The following TF variants were observed in gnomAD, a reference collection of about 807,000 sequenced individuals.
TF encodes transferrin.
Under a neutral mutation model 82.4 loss-of-function variants are expected in TF, and 55 were observed. The ratio of observed to expected loss-of-function variants is 0.67; its 90% CI spans 0.54 to 0.84. The LOEUF (loss-of-function observed/expected upper bound fraction) is 0.84, where lower values mean the gene tolerates loss of function less well. Ranked by LOEUF, TF falls within the 40% of genes least tolerant of loss-of-function variation. The pLI is 0.00. For missense variants in TF, 737 were observed against 868.4 expected (o/e 0.85, Z 1.90); for synonymous variants, 332 against 332.6 (o/e 1.00, Z 0.02).
At position 133,790,908 on chromosome 3, in the gene TF, T is replaced by G. The variant is rs937003165; in HGVS notation, c.*12288T>G. The G allele has an allele frequency of 6.6e-6, 1 of 152,178 alleles. No homozygotes were observed. The highest frequency in any genetic ancestry group is 1.5e-5 in the Non-Finnish European group (1 of 68,028). 9.4% of individuals were successfully genotyped at this position (152,178 alleles called of 1,614,324 possible). A position where few individuals can be genotyped will look rare whatever the true frequency, so the allele number is the denominator to read the frequency against. On this transcript the variant is annotated 3_prime_UTR_variant, in exon 17 of 17. Transcript: ENST00000402696. Reference sequence around the variant, plus strand: ...TCATTATGTGGGTTTTGGGGGGCCCTAGGTAAACACTGTAGCCTCCAGGGT... The same window carrying G: ...TCATTATGTGGGTTTTGGGGGGCCCGAGGTAAACACTGTAGCCTCCAGGGT...
upstream of TF, among the ~76,000 whole-genome samples, chr3:133,741,184 G>GT (rs1183852936): frequency 4.9e-4 from 74 of 151,718 alleles, no homozygotes; most frequent in Middle Eastern, 3.4e-3. Context: ...TAGAGAAGGG[G>GT]TTTTGCTATG....
chr3:133,777,387 C>T (rs1459205769), intron 16 of TF, 149 bp downstream of exon 16: 7 of 738,728 alleles, frequency 9.5e-6, no homozygotes, highest in Non-Finnish European at 1.6e-5. Flanking sequence ...CTAAGCCCGG[C>T]ATGTATGACA....
In TF at chr3:133,756,350, C is replaced by T. The variant is rs757604265; in HGVS notation, c.691+13C>T. 24 of 1,613,842 alleles carry T rather than the reference C, an allele frequency of 1.5e-5. 1 individual carries two copies. In the Admixed American group the frequency reaches 4.0e-4, roughly 27 times the overall value. ...TCGACTATATTTGGTAAGAATGGGACAAGAATCCACCAGGGCCACTCCAAG... is the reference window on the plus strand; with the variant it reads ...TCGACTATATTTGGTAAGAATGGGATAAGAATCCACCAGGGCCACTCCAAG... On this transcript the variant is annotated intron_variant, in intron 6 of 16. Coordinates refer to ENST00000402696, the MANE Select transcript of TF (RefSeq NM_001063.4).
intron 2 of TF, 141 bp from the exon 3 acceptor site, chr3:133,753,454 G>C (rs1425040979): frequency 7.0e-6 from 5 of 715,732 alleles, no homozygotes; most frequent in Non-Finnish European, 1.3e-5. Flanking sequence ...GTCAACTGAA[G>C]CCAGCAGGGC....
the TF span, among the ~76,000 whole-genome samples, chr3:133,708,253 T>C: frequency 2.6e-5 from 4 of 152,146 alleles, no homozygotes; most frequent in African/African-American, 9.7e-5. Flanking sequence ...CTATCACTAC[T>C]GAATCAAAGA....
In TF at chr3:133,754,484, T is replaced by C; in HGVS notation, c.326-11T>C. 1 of 1,614,044 alleles carries C rather than the reference T, an allele frequency of 6.2e-7. No individual in the cohort carries two copies. Among genetic ancestry groups the C allele is most frequent in the Non-Finnish European group, 8.5e-7 (1 of 1,179,960 alleles). The stretch of plus-strand genomic sequence containing the variant: ...GGCTGAGGGCCTTCCATTCACACTG[T>C]GCCTTTGCAGATCCACAGACTTTCT... On this transcript the variant is annotated splice_polypyrimidine_tract_variant and intron_variant, in intron 3 of 16. Coordinates refer to ENST00000402696, the MANE Select transcript of TF (RefSeq NM_001063.4).
Position 133,756,910 on chromosome 3 carries a change from C to T in TF, c.771C>T (p.Tyr257=). The T allele has an allele frequency of 6.2e-7, 1 of 1,614,210 alleles. No homozygotes were observed. Among genetic ancestry groups the T allele is most frequent in the Non-Finnish European group, 8.5e-7 (1 of 1,180,038 alleles). ...LDNTRKPVDE[Y]KDCHLAQVPS... Reference sequence around the variant, plus strand: ...ACACCCGGAAGCCGGTAGATGAATACAAGGACTGCCACTTGGCCCAGGTCC... The same window carrying T: ...ACACCCGGAAGCCGGTAGATGAATATAAGGACTGCCACTTGGCCCAGGTCC... Residue 257 remains tyrosine (Y), a synonymous_variant, in exon 7 of 17, where the codon TAC becomes TAT. Coordinates refer to ENST00000402696, the MANE Select transcript of TF (RefSeq NM_001063.4).
chr3:133,742,241 C>T (rs532764882), upstream of TF, among the ~76,000 whole-genome samples: 9 of 152,292 alleles, frequency 5.9e-5, no homozygotes, highest in African/African-American at 1.9e-4. Flanking sequence ...CTCAGGCTTC[C>T]AAAGCCCTAG....
chr3:133,757,637 C>T lies in TF; in HGVS notation c.871-132C>T, dbSNP rs140417381. On this transcript the variant is annotated intron_variant, in intron 7 of 16. Transcript: ENST00000402696. ...AGTGCTGGGTGAGCAGGAGCAGGTC[C>T]GACTGCCCTCTCTCCTGGCATCTTG... 2.3e-5 allele frequency: 20 copies of T among 859,912 alleles called. No homozygotes were observed. The African/African-American group carries it at 2.5e-4, about 11-fold the overall frequency. The allele number at this position is 859,912 out of a possible 1,614,324, so 53.3% of individuals were successfully genotyped here.
At chr3:133,756,019 C>T (rs1357969750) in intron 5 of TF, among the ~76,000 whole-genome samples, 1 of 152,204 alleles carries the variant, frequency 6.6e-6, no homozygotes. Flanking sequence ...TCTTCTATTC[C>T]AGAAGTTTAA....
chr3:133,735,643 A>G, the TF span, among the ~76,000 whole-genome samples: 1 of 152,218 alleles, frequency 6.6e-6, no homozygotes, highest in African/African-American at 2.4e-5. Flanking sequence ...CAGCACGAGA[A>G]CTTTGTGAAG....
Position 133,788,649 on chromosome 3 carries a change from C to T in TF, c.*10029C>T, listed in dbSNP as rs1447829236. 1.3e-5 allele frequency: 2 copies of T among 152,102 alleles called. No homozygotes were observed. The highest frequency in any genetic ancestry group is 4.8e-5 in the African/African-American group (2 of 41,400). The allele number at this position is 152,102 out of a possible 1,614,324, so 9.4% of individuals were successfully genotyped here. On this transcript the variant is annotated 3_prime_UTR_variant, in exon 17 of 17. Coordinates refer to ENST00000402696, the MANE Select transcript of TF (RefSeq NM_001063.4). The stretch of plus-strand genomic sequence containing the variant: ...TACAGGGGAATCTCTCCCTCTGTCT[C>T]TTTTTCCTTTCCAACTCGGGACCCT...
chr3:133,746,045 C>T (rs999475157), upstream of TF: 14 of 376,982 alleles, frequency 3.7e-5, 2 homozygotes, highest in South Asian at 3.3e-4. Flanking sequence ...CTGTGGACTG[C>T]GCAGATAGGA....
In TF at chr3:133,785,077, T is replaced by C; in HGVS notation, c.*6457T>C. On this transcript the variant is annotated 3_prime_UTR_variant, in exon 17 of 17. Coordinates refer to ENST00000402696, the MANE Select transcript of TF (RefSeq NM_001063.4). ...CTGCCCGGCCGCCCCTACTGGGAAG[T>C]GAGGAGCCCCTCTGCCAGGCCAGCC... The C allele has an allele frequency of 8.6e-6, 1 of 116,604 alleles. No individual in the cohort carries two copies. 7.2% of individuals were successfully genotyped at this position (116,604 alleles called of 1,614,324 possible).
chr3:133,725,131 C>T, the TF span, among the ~76,000 whole-genome samples: 46 of 152,194 alleles, frequency 3.0e-4, 1 homozygote, highest in African/African-American at 9.2e-4. Context: ...ATTGACTTGG[C>T]GATGGGGGCT....
chr3:133,731,331 G>A, the TF span, among the ~76,000 whole-genome samples: 1 of 152,240 alleles, frequency 6.6e-6, no homozygotes, highest in South Asian at 2.1e-4. Flanking sequence ...GGAAGAAATT[G>A]TGAATAACAC....
upstream of TF, among the ~76,000 whole-genome samples, chr3:133,742,135 C>T (rs976788634): frequency 2.0e-5 from 3 of 152,086 alleles, no homozygotes; most frequent in Non-Finnish European, 4.4e-5. Flanking sequence ...AGGTGCATGC[C>T]ACTGTGTCCA....
At chr3:133,717,349 T>C in the TF span, among the ~76,000 whole-genome samples, 2 of 152,166 alleles carry the variant, frequency 1.3e-5, 1 homozygote, top group East Asian at 3.9e-4. Context: ...ATTCAGGATG[T>C]CCAGTTAAAT....
rs1414738494 is a variant in TF at position 133,793,786 on chromosome 3, T to C, written c.*15166T>C. On this transcript the variant is annotated 3_prime_UTR_variant, in exon 17 of 17. Transcript: ENST00000402696. ...CTAGAATATGGTGTCTTTTAGGAGA[T>C]TCATGAAAGATTGGAAAGGACCCTA... is the stretch of plus-strand genomic sequence containing the variant. The C allele has an allele frequency of 2.6e-5, 4 of 152,110 alleles. No individual in the cohort carries two copies. The highest frequency in any genetic ancestry group is 3.2e-3 in the Middle Eastern group (1 of 316). 9.4% of individuals were successfully genotyped at this position (152,110 alleles called of 1,614,324 possible). A position where few individuals can be genotyped will look rare whatever the true frequency, so the allele number is the denominator to read the frequency against.
Sources: allele counts gnomAD v4.1 joint callset (sites outside exome capture counted in the v4.1 genomes callset), GRCh38; gene constraint gnomAD v4.1.1; transcripts MANE v1.5; gene names NCBI Gene and HGNC (gene_info 2026-07-23, HGNC 2026-07-21).